PRKCD: variants seen among roughly 807,000 people sequenced by gnomAD.
PRKCD encodes the protein protein kinase C delta.
PRKCD carries 20 observed loss-of-function variants against 82.2 expected under a neutral mutation model. The observed-to-expected ratio is 0.24, with a 90% confidence interval of 0.17 to 0.35. The LOEUF (loss-of-function observed/expected upper bound fraction) is 0.35. Among genes scored for constraint, PRKCD ranks in the 10% least tolerant of loss-of-function variants. The probability of loss-of-function intolerance (pLI) is 1.00; values close to 1 mark genes in which losing one functional copy is unlikely to be tolerated. For missense variants in PRKCD, 607 were observed against 899.0 expected, an observed-to-expected ratio of 0.68 and a Z score of 4.15; for synonymous variants, 317 against 337.0, an observed-to-expected ratio of 0.94 and a Z score of 0.65.
rs1559624784 is a variant in PRKCD, at chr3:53,181,509, A to G, written c.442A>G (p.Ile148Val). The G allele has an allele frequency of 1.9e-6, 3 of 1,614,232 alleles. No homozygotes were observed. Among genetic ancestry groups the G allele is most frequent in the Middle Eastern group, 1.6e-4 (1 of 6,062 alleles). The change falls in exon 6 of 19, where the codon ATC (isoleucine) becomes GTC (valine). Residue 148 changes from isoleucine (I) to valine (V), a missense_variant. Physicochemically the swap from Ile to Val is conservative, Grantham distance 29 (BLOSUM62 3). Around this residue, in one of 5 missense-constraint regions of PRKCD, gnomAD observed 161 missense variants for 227.0 expected, o/e 0.71. Transcript: ENST00000330452. Reference protein sequence around the residue: ...KFPTMNRRGAIKQAKIHYIKN... With the variant: ...KFPTMNRRGAVKQAKIHYIKN... Reference sequence around the variant, plus strand: ...CCCAACGATGAACCGCCGCGGAGCCATCAAACAGGCCAAAATCCACTACAT... The same window carrying G: ...CCCAACGATGAACCGCCGCGGAGCCGTCAAACAGGCCAAAATCCACTACAT...
intron 15 of PRKCD, among the ~76,000 whole-genome samples, chr3:53,187,966 C>A (rs1278852097): frequency 6.6e-6 from 1 of 152,050 alleles, no homozygotes; most frequent in Non-Finnish European, 1.5e-5. Context: ...GTGGGCAGAT[C>A]ACCCGAGGTC....
In PRKCD at chr3:53,165,165, TAGC is replaced by T; in HGVS notation, c.-63_-61del. The T allele has an allele frequency of 6.6e-6, 1 of 152,546 alleles. No homozygotes were observed. Among genetic ancestry groups the T allele is most frequent in the Non-Finnish European group, 1.5e-5 (1 of 68,242 alleles). 9.4% of individuals were successfully genotyped at this position (152,546 alleles called of 1,614,324 possible). On this transcript the variant is annotated 5_prime_UTR_variant, in exon 2 of 19. Coordinates refer to ENST00000330452, the MANE Select transcript of PRKCD (RefSeq NM_006254.4). ...GTTTCTCCTGGTGGTTGGTGCGTTG[TAGC>T]AGCAGCGGGAGCCAGGACTAAGGAC...
chr3:53,184,571 AG>A (rs1703599986), intron 9 of PRKCD, among the ~76,000 whole-genome samples: 1 of 150,850 alleles, frequency 6.6e-6, no homozygotes, highest in Non-Finnish European at 1.5e-5. Flanking sequence ...GCTACTCAGG[AG>A]GCTGAGGCAG....
chr3:53,185,073 A>G, intron 10 of PRKCD, 99 bp downstream of exon 10: 2 of 1,085,284 alleles, frequency 1.8e-6, no homozygotes, highest in Non-Finnish European at 2.8e-6. Flanking sequence ...GCCAGGATAT[A>G]TTTAGACCCA....
chr3:53,166,156 C>T (rs1340604415), intron 2 of PRKCD, among the ~76,000 whole-genome samples: 1 of 152,114 alleles, frequency 6.6e-6, no homozygotes, highest in Non-Finnish European at 1.5e-5. Flanking sequence ...GCTTCCTGGG[C>T]CTGACTCTGG....
rs983422584 is a variant in PRKCD, at chr3:53,190,115, A to G, written c.1872+114A>G. Reference sequence around the variant, plus strand: ...TCTCCCTTCTTCCAGCAATCTCCATAGCATGTTCAGTCACAGCCGCTGCCC... The same window carrying G: ...TCTCCCTTCTTCCAGCAATCTCCATGGCATGTTCAGTCACAGCCGCTGCCC... On this transcript the variant is annotated intron_variant, in intron 18 of 18. Transcript: ENST00000330452. 16 of 1,448,092 alleles carry G rather than the reference A, an allele frequency of 1.1e-5. No individual in the cohort carries two copies. In the African/African-American group the frequency reaches 2.2e-4, roughly 20 times the overall value. The allele number at this position is 1,448,092 out of a possible 1,614,324, so 89.7% of individuals were successfully genotyped here. A position where few individuals can be genotyped will look rare whatever the true frequency, so the allele number is the denominator to read the frequency against.
At chr3:53,181,903 G>A in intron 7 of PRKCD, 171 bp downstream of exon 7, 1 of 1,014,850 alleles carries the variant, frequency 9.9e-7, no homozygotes, top group Non-Finnish European at 1.5e-6. Flanking sequence ...GCTTGCTGCT[G>A]CTCTGGAAAA....
rs77075429 is a variant in PRKCD, at chr3:53,181,615, C to T, written c.539+9C>T. On this transcript the variant is annotated intron_variant, in intron 6 of 18. Transcript: ENST00000330452. ...TGCAAAGACTTTGTCTGGTGAGAAC[C>T]GGCCATGCCCACTGGTGGTGGTGCA... 1.1e-4 allele frequency: 172 copies of T among 1,614,176 alleles called. No homozygotes were observed. In the East Asian group the frequency reaches 2.3e-3, roughly 22 times the overall value.
At chr3:53,172,147 G>A (rs1703053796) in intron 2 of PRKCD, among the ~76,000 whole-genome samples, 1 of 152,058 alleles carries the variant, frequency 6.6e-6, no homozygotes, top group African/African-American at 2.4e-5. Flanking sequence ...ACAGGGCTGG[G>A]CATGTGGAGG....
At chr3:53,181,757 G>C in intron 7 of PRKCD, 25 bp downstream of exon 7, 1 of 1,614,198 alleles carries the variant, frequency 6.2e-7, no homozygotes, top group Non-Finnish European at 8.5e-7. Context: ...AGGCCAGTTT[G>C]TACGTATGTA....
At chr3:53,185,779 G>T (rs1553668887) in intron 11 of PRKCD, 79 bp downstream of exon 11, 1 of 1,536,516 alleles carries the variant, frequency 6.5e-7, no homozygotes. Flanking sequence ...CCCTTCCATT[G>T]TCAAGTGAGA....
chr3:53,186,130 C>T (rs550083936), intron 12 of PRKCD, 37 bp from the exon 13 acceptor site: 12 of 1,609,320 alleles, frequency 7.5e-6, no homozygotes, highest in East Asian at 4.5e-5. Context: ...GCCCCTGCCC[C>T]GTCCTCACCT....
chr3:53,166,763 AG>A (rs1553663921), intron 2 of PRKCD, among the ~76,000 whole-genome samples: 2 of 152,208 alleles, frequency 1.3e-5, no homozygotes, highest in African/African-American at 2.4e-5. Context: ...GATCTCAGTA[AG>A]GGGGGCTGGG....
chr3:53,187,116 T>C (rs1300202936), intron 14 of PRKCD, among the ~76,000 whole-genome samples: 2 of 152,220 alleles, frequency 1.3e-5, no homozygotes, highest in African/African-American at 4.8e-5. Context: ...TGTAAATGCA[T>C]ACACTCTTAG....
At chr3:53,167,119 C>T (rs1184242133) in intron 2 of PRKCD, among the ~76,000 whole-genome samples, 1 of 152,212 alleles carries the variant, frequency 6.6e-6, no homozygotes, top group Non-Finnish European at 1.5e-5. Context: ...AGAGGCCCAT[C>T]TGTTCAAGGC....
intron 18 of PRKCD, among the ~76,000 whole-genome samples, chr3:53,191,221 G>A (rs189291664): frequency 1.3e-3 from 200 of 152,218 alleles, no homozygotes; most frequent in Middle Eastern, 3.4e-3. Context: ...GGCCAACATG[G>A]TGAAACCCCG....
intron 1 of PRKCD, among the ~76,000 whole-genome samples, chr3:53,161,940 C>T (rs1014738339): frequency 6.7e-6 from 1 of 149,874 alleles, no homozygotes; most frequent in South Asian, 2.2e-4. Context: ...TCGCCGCCCC[C>T]TGCCAGTCCA....
chr3:53,192,005 A>G, intron 18 of PRKCD, 103 bp from the exon 19 acceptor site: 1 of 1,228,448 alleles, frequency 8.1e-7, no homozygotes, highest in Non-Finnish European at 1.2e-6. Context: ...GTTCTGGGTG[A>G]GGACAGCTCT....
chr3:53,190,342 G>C (rs1004347547), intron 18 of PRKCD, among the ~76,000 whole-genome samples: 1 of 152,240 alleles, frequency 6.6e-6, no homozygotes, highest in Non-Finnish European at 1.5e-5. Flanking sequence ...GCACAGCAAA[G>C]TGGGAGATGC....
Sources: allele counts gnomAD v4.1 joint callset (sites outside exome capture counted in the v4.1 genomes callset), GRCh38; gene constraint gnomAD v4.1.1; regional missense constraint gnomAD v4.1.1; transcripts MANE v1.5; gene names NCBI Gene and HGNC (gene_info 2026-07-23, HGNC 2026-07-21).